Variants in MS4A14 observed in about 807,000 individuals in gnomAD.
MS4A14 encodes the protein membrane spanning 4-domains A14, also known as membrane-spanning 4-domains subfamily A member 14.
MS4A14 carries 18 observed loss-of-function variants against 16.7 expected under a neutral mutation model. The ratio of observed to expected loss-of-function variants is 1.08; its 90% CI spans 0.75 to 1.60. The LOEUF is 1.60. MS4A14 is among the 40% of genes most tolerant of loss of function. The pLI, the probability that MS4A14 is intolerant of heterozygous loss-of-function variation, is 0.00. For synonymous variants in MS4A14, 305 were observed against 289.4 expected, an observed-to-expected ratio of 1.05 and a Z score of -0.55; for missense variants, 812 against 775.3, an observed-to-expected ratio of 1.05 and a Z score of -0.56.
chr11:60,407,047 C>A (rs1345605261), intron 4 of MS4A14, among the ~76,000 whole-genome samples: 1 of 116,368 alleles, frequency 8.6e-6, no homozygotes, highest in African/African-American at 3.3e-5. Context: ...CGAGACCTCA[C>A]TCTATGACCC....
intron 4 of MS4A14, among the ~76,000 whole-genome samples, chr11:60,406,983 C>A (rs1024224053): frequency 6.7e-6 from 1 of 149,428 alleles, no homozygotes; most frequent in Non-Finnish European, 1.5e-5. Context: ...TATGGGTACA[C>A]CACAATTTGT....
chr11:60,414,285 C>T (rs776606458), intron 4 of MS4A14, among the ~76,000 whole-genome samples: 4 of 152,064 alleles, frequency 2.6e-5, no homozygotes, highest in African/African-American at 7.2e-5. Context: ...TTTATACTCA[C>T]ATAAATAGTC....
intron 4 of MS4A14, among the ~76,000 whole-genome samples, chr11:60,408,102 A>G (rs2085814287): frequency 6.6e-6 from 1 of 152,176 alleles, no homozygotes; most frequent in South Asian, 2.1e-4. Flanking sequence ...ATCCCCCCTC[A>G]TGGAGATATC....
intron 4 of MS4A14, among the ~76,000 whole-genome samples, chr11:60,403,720 C>T (rs11825958): frequency 0.036 from 5,488 of 152,174 alleles, 339 homozygotes; most frequent in African/African-American, 0.13. Flanking sequence ...TCAGTGACTC[C>T]AATAGGCCTT....
intron 4 of MS4A14, among the ~76,000 whole-genome samples, chr11:60,408,199 T>C (rs1238263120): frequency 1.3e-5 from 2 of 152,194 alleles, no homozygotes; most frequent in Admixed American, 1.3e-4. Flanking sequence ...TTATTATTTA[T>C]TTGTAGGTCT....
rs1298558387 is a variant in MS4A14 at position 60,416,552 on chromosome 11, A to G, written c.1584A>G (p.Pro528=). Residue 528 remains proline (P), a synonymous_variant, in exon 5 of 5, where the codon CCA becomes CCG. Transcript: ENST00000300187. The part of the protein sequence containing the change: ...LDQQSKGWQS[P]KQKSLDQQIK... Reference sequence around the variant, plus strand: ...AGCAAAGCAAAGGCTGGCAATCTCCAAAGCAGAAATCCTTAGACCAGCAAA... The same window carrying G: ...AGCAAAGCAAAGGCTGGCAATCTCCGAAGCAGAAATCCTTAGACCAGCAAA... 1 of 1,613,860 alleles carries G rather than the reference A, an allele frequency of 6.2e-7. No individual in the cohort carries two copies. Among genetic ancestry groups the G allele is most frequent in the East Asian group, 2.2e-5 (1 of 44,884 alleles).
intron 2 of MS4A14, among the ~76,000 whole-genome samples, chr11:60,399,976 T>C (rs964260291): frequency 1.3e-5 from 2 of 152,124 alleles, no homozygotes; most frequent in African/African-American, 4.8e-5. Context: ...TCATGGGAAA[T>C]GAGGGACTCT....
intron 2 of MS4A14, among the ~76,000 whole-genome samples, chr11:60,399,773 G>A (rs2085683140): frequency 6.6e-6 from 1 of 152,082 alleles, no homozygotes; most frequent in Admixed American, 6.6e-5. Context: ...TGAAGCGGAG[G>A]GAGGTATCAA....
intron 3 of MS4A14, among the ~76,000 whole-genome samples, chr11:60,401,054 T>A (rs1170191443): frequency 6.6e-6 from 1 of 152,236 alleles, no homozygotes; most frequent in Non-Finnish European, 1.5e-5. Flanking sequence ...GCATCAATGC[T>A]GGATTGTTCT....
intron 4 of MS4A14, among the ~76,000 whole-genome samples, chr11:60,414,384 A>G (rs558237186): frequency 2.5e-4 from 38 of 150,724 alleles, no homozygotes; most frequent in African/African-American, 8.8e-4. Flanking sequence ...TAGATTCTCA[A>G]TCTAGGCCTG....
chr11:60,416,969 G>A lies in MS4A14; in HGVS notation c.2001G>A (p.Arg667=), dbSNP rs781085200. ...HKGNLQAGQP[R]TVNLLAKNPL... is the part of the protein sequence containing the mutation. ...GCAATCTCCAGGCTGGACAACCCAG[G>A]ACTGTCAATCTTTTGGCCAAGAATC... The change falls in exon 5 of 5, where the codon AGG becomes AGA. Residue 667 remains arginine, a synonymous_variant. Transcript: ENST00000300187. 2 of 1,613,232 alleles carry A rather than the reference G, an allele frequency of 1.2e-6. No individual in the cohort carries two copies. The highest frequency in any genetic ancestry group is 1.3e-5 in the African/African-American group (1 of 74,964).
rs1401658674 is a variant in MS4A14 at position 60,416,939 on chromosome 11, C to G, written c.1971C>G (p.His657Gln). 2.5e-6 allele frequency: 4 copies of G among 1,613,578 alleles called. No individual in the cohort carries two copies. The highest frequency in any genetic ancestry group is 3.4e-6 in the Non-Finnish European group (4 of 1,179,756). Residue 657 changes from histidine to glutamine, a missense_variant, in exon 5 of 5, where the codon CAC (histidine) becomes CAG (glutamine). By Grantham distance (24) the His-to-Gln change is conservative (BLOSUM62 0). Coordinates refer to ENST00000300187, the MANE Select transcript of MS4A14 (RefSeq NM_032597.5). ...QIQQYQFWQF[H>Q]KGNLQAGQPR... ...AGCAATACCAATTCTGGCAATTCCA[C>G]AAAGGCAATCTCCAGGCTGGACAAC...
chr11:60,410,469 T>C (rs1250411337), intron 4 of MS4A14, among the ~76,000 whole-genome samples: 1 of 3,474 alleles, frequency 2.9e-4, no homozygotes, highest in East Asian at 8.8e-3. Flanking sequence ...AATTAATCTA[T>C]TATTTTGTTG....
Position 60,416,581 on chromosome 11 carries a change from A to G in MS4A14, c.1613A>G (p.Lys538Arg). 6.2e-7 allele frequency: 1 copy of G among 1,613,910 alleles called. No individual in the cohort carries two copies. The highest frequency in any genetic ancestry group is 1.1e-5 in the South Asian group (1 of 91,082). Residue 538 changes from lysine to arginine, a missense_variant, in exon 5 of 5, where the codon AAA becomes AGA. Physicochemically the swap from Lys to Arg is conservative, Grantham distance 26 (BLOSUM62 2). Transcript: ENST00000300187. ...PKQKSLDQQI[K>R]DWLSPKRHSV... ...CAGAAATCCTTAGACCAGCAAATCA[A>G]AGACTGGCTATCCCCAAAGAGGCAC... is the stretch of plus-strand genomic sequence containing the variant.
intron 2 of MS4A14, among the ~76,000 whole-genome samples, chr11:60,399,252 G>A (rs1289849899): frequency 6.6e-6 from 1 of 152,206 alleles, no homozygotes; most frequent in Admixed American, 6.5e-5. Context: ...CGATGTGAGG[G>A]TTTAATAGAG....
At chr11:60,415,318 C>T in intron 4 of MS4A14, 119 bp from the exon 5 acceptor site, 1 of 1,085,586 alleles carries the variant, frequency 9.2e-7, no homozygotes, top group Admixed American at 2.7e-5. Context: ...TCTGCCTTCT[C>T]ATTTAGATGT....
intron 2 of MS4A14, 120 bp downstream of exon 2, chr11:60,398,100 T>G: frequency 2.0e-6 from 2 of 1,023,084 alleles, no homozygotes; most frequent in Non-Finnish European, 1.4e-6. Context: ...AAAAGGCAGC[T>G]CCCTTCACGG....
In MS4A14 at chr11:60,402,965, G is replaced by T. The variant is rs1197837585; in HGVS notation, c.372G>T (p.Gly124=). The T allele has an allele frequency of 1.9e-6, 3 of 1,613,728 alleles. No individual in the cohort carries two copies. The highest frequency in any genetic ancestry group is 2.2e-5 in the East Asian group (1 of 44,878). ...TCAGCTCCTTGGTTGCGATAACTGG[G>T]ATTACTTTCACCATTCTCAGCTACA... ...NVISSLVAIT[G]ITFTILSYRH... Residue 124 remains glycine, a synonymous_variant, in exon 4 of 5, where the codon GGG becomes GGT. Transcript: ENST00000300187.
chr11:60,412,566 AG>A (rs1384372397), intron 4 of MS4A14, among the ~76,000 whole-genome samples: 1 of 151,828 alleles, frequency 6.6e-6, no homozygotes, highest in East Asian at 1.9e-4. Context: ...ACTCTCTATA[AG>A]GTCAGTAATA....
Sources: gnomAD v4.1 joint callset for allele counts (sites outside exome capture counted in the v4.1 genomes callset) on GRCh38, gnomAD v4.1.1 for gene constraint, MANE v1.5 for transcripts, NCBI Gene and HGNC (gene_info 2026-07-23, HGNC 2026-07-21) for gene names.